Variants in CREBBP observed in about 807,000 individuals in gnomAD.
The protein encoded by CREBBP is CREB-binding protein.
Under a neutral mutation model 265.0 loss-of-function variants are expected in CREBBP, and 19 were observed. That is an observed-to-expected ratio of 0.07 (90% confidence interval 0.05 to 0.11). The LOEUF (loss-of-function observed/expected upper bound fraction) is 0.11. CREBBP is among the 10% of genes least tolerant of loss of function. The probability of loss-of-function intolerance (pLI) is 1.00; values close to 1 mark genes in which losing one functional copy is unlikely to be tolerated. For missense variants in CREBBP, 2,525 were observed against 3,219.0 expected, an observed-to-expected ratio of 0.78 and a Z score of 5.22; for synonymous variants, 1,457 against 1,223.7, an observed-to-expected ratio of 1.19 and a Z score of -3.98.
intron 2 of CREBBP, among the ~76,000 whole-genome samples, chr16:3,849,427 G>GATGTGCGTGACCT (rs2054749169): frequency 6.1e-5 from 1 of 16,384 alleles, no homozygotes; most frequent in African/African-American, 1.2e-4. Flanking sequence ...GTGTGTGTGT[G>GATGTGCGTGACCT]TGTGTGTGTG....
intron 2 of CREBBP, among the ~76,000 whole-genome samples, chr16:3,821,979 T>G (rs1242063686): frequency 3.9e-5 from 6 of 152,102 alleles, no homozygotes; most frequent in Non-Finnish European, 8.8e-5. Flanking sequence ...ACTTGAACCC[T>G]GGGAGTAGGA....
chr16:3,860,780 C>T (rs996139426), intron 1 of CREBBP, among the ~76,000 whole-genome samples: 11 of 151,710 alleles, frequency 7.3e-5, no homozygotes, highest in African/African-American at 2.7e-4. Flanking sequence ...GAAGGATTCA[C>T]AGTGTTGTTA....
At chr16:3,853,898 T>C (rs1352785149) in intron 1 of CREBBP, among the ~76,000 whole-genome samples, 1 of 150,484 alleles carries the variant, frequency 6.6e-6, no homozygotes, top group African/African-American at 2.4e-5. Context: ...GATATCGCCA[T>C]TGCACTCCAG....
At chr16:3,798,327 C>T (rs1339590785) in intron 3 of CREBBP, among the ~76,000 whole-genome samples, 1 of 152,138 alleles carries the variant, frequency 6.6e-6, no homozygotes, top group Non-Finnish European at 1.5e-5. Flanking sequence ...AAACTGATTT[C>T]ATAAAAAATT....
intron 16 of CREBBP, among the ~76,000 whole-genome samples, chr16:3,760,901 G>A (rs1025585184): frequency 2.0e-5 from 3 of 152,096 alleles, no homozygotes; most frequent in African/African-American, 4.8e-5. Context: ...GCCTCTCAAA[G>A]CAATAACATT....
At chr16:3,745,067 T>C in intron 22 of CREBBP, 106 bp from the exon 23 acceptor site, 1 of 985,432 alleles carries the variant, frequency 1.0e-6, no homozygotes, top group Non-Finnish European at 1.6e-6. Flanking sequence ...ATCACATTAT[T>C]ATAAAATTAA....
chr16:3,739,415 GT>G, intron 25 of CREBBP, 162 bp downstream of exon 25: 1 of 817,274 alleles, frequency 1.2e-6, no homozygotes, highest in South Asian at 1.7e-5. Context: ...TTTCCCGCTA[GT>G]TTAATGGAAA....
chr16:3,848,172 A>G (rs957087016), intron 2 of CREBBP, among the ~76,000 whole-genome samples: 4 of 138,438 alleles, frequency 2.9e-5, no homozygotes, highest in South Asian at 2.7e-4. Flanking sequence ...TCCATCTCAG[A>G]AAAAAAAAAA....
At chr16:3,863,650 C>A (rs537977162) in intron 1 of CREBBP, among the ~76,000 whole-genome samples, 1 of 152,266 alleles carries the variant, frequency 6.6e-6, no homozygotes, top group South Asian at 2.1e-4. Context: ...ATTCAAAGTT[C>A]TTTGTCACCT....
At chr16:3,857,044 T>A (rs372704509) in intron 1 of CREBBP, among the ~76,000 whole-genome samples, 12 of 152,340 alleles carry the variant, frequency 7.9e-5, no homozygotes, top group African/African-American at 2.9e-4. Context: ...TGCATCTTCA[T>A]ACCCTCACCT....
At chr16:3,837,143 G>A (rs137967419) in intron 2 of CREBBP, among the ~76,000 whole-genome samples, 4,005 of 152,248 alleles carry the variant, frequency 0.026, 74 homozygotes, top group Admixed American at 0.05. Context: ...TGTCATTATA[G>A]GAGATGACAG....
rs910861282 is a variant in CREBBP, at chr16:3,852,157, G to GTTTTTTTTTTTTTTTTTTTT, written c.86-1168_86-1149dup. On this transcript the variant is annotated intron_variant, in intron 1 of 30. Transcript: ENST00000262367. ...GGACAGTAAAGCCAATCTTAAATTT[G>GTTTTTTTTTTTTTTTTTTTT]TTTTTTTTTTTTTTTTTTTTTTTTT... 1.8e-4 allele frequency among the ~76,000 whole-genome samples: 9 copies of GTTTTTTTTTTTTTTTTTTTT among 50,880 alleles called. 4 individuals are homozygous for GTTTTTTTTTTTTTTTTTTTT. The highest frequency in any genetic ancestry group is 2.6e-4 in the Non-Finnish European group (7 of 27,204). The allele number at this position is 50,880 out of a possible 152,430, so 33.4% of individuals were successfully genotyped here.
chr16:3,741,012 C>G (rs1478018727), intron 23 of CREBBP: 5 of 268,174 alleles, frequency 1.9e-5, no homozygotes, highest in Non-Finnish European at 3.6e-5. Flanking sequence ...CAATTAAGCT[C>G]TGGCCAGAGC....
chr16:3,836,487 G>A (rs978493297), intron 2 of CREBBP, among the ~76,000 whole-genome samples: 7 of 151,578 alleles, frequency 4.6e-5, no homozygotes, highest in Non-Finnish European at 4.4e-5. Flanking sequence ...AGTAATTGTC[G>A]GGGGATGAGT....
chr16:3,793,845 A>C (rs2053553913), intron 3 of CREBBP, among the ~76,000 whole-genome samples: 1 of 152,088 alleles, frequency 6.6e-6, no homozygotes, highest in African/African-American at 2.4e-5. Flanking sequence ...ACTTGTATAC[A>C]ATTATCATCC....
chr16:3,747,362 C>A (rs1051945141), intron 21 of CREBBP, among the ~76,000 whole-genome samples: 1 of 152,234 alleles, frequency 6.6e-6, no homozygotes, highest in Non-Finnish European at 1.5e-5. Context: ...ACCACCCACT[C>A]TAGGGGCCTT....
intron 1 of CREBBP, among the ~76,000 whole-genome samples, chr16:3,861,314 C>T (rs942236094): frequency 6.6e-6 from 1 of 152,186 alleles, no homozygotes; most frequent in Non-Finnish European, 1.5e-5. Context: ...GTAGCACCTG[C>T]TTCGCAGGAT....
At chr16:3,788,873 G>T (rs766660063) in intron 5 of CREBBP, among the ~76,000 whole-genome samples, 2 of 152,190 alleles carry the variant, frequency 1.3e-5, no homozygotes, top group Non-Finnish European at 2.9e-5. Flanking sequence ...GACTGCTTGA[G>T]CCCGAGAGGT....
At chr16:3,738,508 G>A (rs771837529) in intron 26 of CREBBP, 51 bp downstream of exon 26, 17 of 1,110,866 alleles carry the variant, frequency 1.5e-5, no homozygotes, top group Non-Finnish European at 2.3e-5. Context: ...TAAACATACA[G>A]TAAAAAATAA....
Sources: allele counts gnomAD v4.1 joint callset (sites outside exome capture counted in the v4.1 genomes callset), GRCh38; gene constraint gnomAD v4.1.1; transcripts MANE v1.5; gene names NCBI Gene and HGNC (gene_info 2026-07-23, HGNC 2026-07-21).